ANKS1B: variants seen among roughly 807,000 people sequenced by gnomAD.
ANKS1B encodes the protein ankyrin repeat and sterile alpha motif domain containing 1B, also known as ankyrin repeat and sterile alpha motif domain-containing protein 1B.
Under a neutral mutation model 148.3 loss-of-function variants are expected in ANKS1B, and 36 were observed. The observed-to-expected ratio is 0.24, with a 90% CI of 0.19 to 0.32. ANKS1B has a LOEUF of 0.32. Among genes scored for constraint, ANKS1B ranks in the 10% least tolerant of loss-of-function variants. The pLI, the probability that ANKS1B is intolerant of heterozygous loss-of-function variation, is 1.00. For missense variants in ANKS1B, 1,157 were observed against 1,542.6 expected, an observed-to-expected ratio of 0.75 and a Z score of 4.19; for synonymous variants, 542 against 560.8, an observed-to-expected ratio of 0.97 and a Z score of 0.47.
In ANKS1B at chr12:99,583,023, T is replaced by C. The variant is rs146648264; in HGVS notation, c.1272+72044A>G. ...GTAGGAACACCTCTAAATCTAGATA[T>C]GAGAAATGCTTATTGTACCACTATC... On this transcript the variant is annotated intron_variant, in intron 9 of 26. Transcript: ENST00000683438. Among the ~76,000 whole-genome samples, 927 of 152,252 alleles carry C rather than the reference T, an allele frequency of 6.1e-3. 7 individuals carry two copies. The highest frequency in any genetic ancestry group is 0.012 in the Admixed American group (180 of 15,294).
intron 14 of ANKS1B, among the ~76,000 whole-genome samples, chr12:99,227,573 G>A (rs2086148524): frequency 6.6e-6 from 1 of 152,198 alleles, no homozygotes; most frequent in African/African-American, 2.4e-5. Context: ...ATCAAGCCAA[G>A]TCAGTGGGCA....
intron 14 of ANKS1B, among the ~76,000 whole-genome samples, chr12:99,237,793 C>T (rs1309966664): frequency 6.6e-6 from 1 of 152,118 alleles, no homozygotes; most frequent in East Asian, 1.9e-4. Flanking sequence ...TATATATATA[C>T]ATATTTGAAG....
chr12:98,994,067 T>TTG (rs199869417), intron 17 of ANKS1B, among the ~76,000 whole-genome samples: 46 of 152,124 alleles, frequency 3.0e-4, no homozygotes, highest in Non-Finnish European at 1.5e-4. Context: ...TAAAGTACTT[T>TTG]TGTGTGTGTG....
intron 1 of ANKS1B, among the ~76,000 whole-genome samples, chr12:99,977,669 A>G (rs2095645899): frequency 6.6e-6 from 1 of 152,164 alleles, no homozygotes; most frequent in East Asian, 1.9e-4. Context: ...GACTCTTAAG[A>G]AAAGTTTCTA....
chr12:98,996,569 C>A (rs1035836815), intron 17 of ANKS1B, among the ~76,000 whole-genome samples: 1 of 151,976 alleles, frequency 6.6e-6, no homozygotes, highest in African/African-American at 2.4e-5. Context: ...AATCCCAGCA[C>A]TTTGGGAGGT....
chr12:98,751,475 G>T lies in ANKS1B; in HGVS notation c.3627C>A (p.Val1209=), dbSNP rs368912180. The change falls in exon 26 of 27, where the codon GTC becomes GTA. Residue 1209 remains valine, a synonymous_variant. Coordinates refer to ENST00000683438, the MANE Select transcript of ANKS1B (RefSeq NM_001352186.2). The surrounding 1 kb of genome is among the most constrained non-coding windows in gnomAD (Gnocchi z 4.3). ...TTGCTTGTAGTGCTAGCTGGTAAGC[G>T]ACTTCGAATGCCTGTCCCAGGGTTA... ...IILTLGQAFE[V]AYQLALQARK... 1.0e-4 allele frequency: 165 copies of T among 1,613,968 alleles called. 1 individual carries two copies. The South Asian group carries it at 1.7e-3, about 17-fold the overall frequency.
chr12:99,213,239 A>T (rs1385578456), intron 14 of ANKS1B, among the ~76,000 whole-genome samples: 4 of 152,092 alleles, frequency 2.6e-5, no homozygotes, highest in Admixed American at 1.3e-4. Flanking sequence ...GCTTCTCTCT[A>T]CCCAGAGCAC....
intron 8 of ANKS1B, among the ~76,000 whole-genome samples, chr12:99,768,810 C>A (rs1379493782): frequency 7.5e-6 from 1 of 133,950 alleles, no homozygotes; most frequent in African/African-American, 2.8e-5. Flanking sequence ...TGCGACAGAG[C>A]ACGACTCCGT....
At chr12:99,449,748 C>G (rs1387462460) in intron 10 of ANKS1B, among the ~76,000 whole-genome samples, 2 of 152,084 alleles carry the variant, frequency 1.3e-5, no homozygotes, top group African/African-American at 4.8e-5. Context: ...ATCTAGAGTA[C>G]TTGCGTGATA....
chr12:99,892,073 G>T (rs1447557008), intron 1 of ANKS1B, among the ~76,000 whole-genome samples: 2 of 151,986 alleles, frequency 1.3e-5, no homozygotes, highest in Non-Finnish European at 2.9e-5. Flanking sequence ...GCATGATCTC[G>T]GCTCACTGCA....
chr12:99,102,288 T>C (rs757880087), intron 15 of ANKS1B, among the ~76,000 whole-genome samples: 2 of 152,084 alleles, frequency 1.3e-5, no homozygotes. Flanking sequence ...GATTAGAGGA[T>C]TGTGAGACAA....
chr12:99,196,606 G>GT (rs1195275898), intron 14 of ANKS1B, among the ~76,000 whole-genome samples: 4 of 150,416 alleles, frequency 2.7e-5, no homozygotes, highest in Non-Finnish European at 4.4e-5. Flanking sequence ...GTTTGTTTTT[G>GT]TTTTTTTTCT....
chr12:98,962,036 A>G (rs1393133891), intron 17 of ANKS1B, among the ~76,000 whole-genome samples: 1 of 152,082 alleles, frequency 6.6e-6, no homozygotes, highest in African/African-American at 2.4e-5. Flanking sequence ...CAAAACAACC[A>G]GGAAACAAAT....
intron 17 of ANKS1B, among the ~76,000 whole-genome samples, chr12:99,052,855 C>T (rs2099967162): frequency 6.6e-6 from 1 of 150,738 alleles, no homozygotes; most frequent in Non-Finnish European, 1.5e-5. Context: ...GAATAGGAAC[C>T]TATTTATTAT....
chr12:99,964,902 G>C (rs1734302534), intron 1 of ANKS1B, among the ~76,000 whole-genome samples: 1 of 152,170 alleles, frequency 6.6e-6, no homozygotes, highest in Non-Finnish European at 1.5e-5. Context: ...GACGATAGTG[G>C]AGAGGAGATT....
chr12:99,080,431 A>C (rs1599583956), intron 16 of ANKS1B, among the ~76,000 whole-genome samples: 1 of 152,206 alleles, frequency 6.6e-6, no homozygotes, highest in South Asian at 2.1e-4. Context: ...ATAGACAACT[A>C]CTAAGTAATT....
chr12:98,947,554 T>C (rs2099847325), intron 17 of ANKS1B, among the ~76,000 whole-genome samples: 1 of 151,876 alleles, frequency 6.6e-6, no homozygotes, highest in African/African-American at 2.4e-5. Context: ...TCATGAATGT[T>C]ACATACCATG....
At chr12:99,323,050 A>G (rs755987096) in intron 12 of ANKS1B, among the ~76,000 whole-genome samples, 6 of 152,138 alleles carry the variant, frequency 3.9e-5, no homozygotes, top group Non-Finnish European at 7.3e-5. Flanking sequence ...GTATGTCTTT[A>G]TCAGTAGTGT....
In ANKS1B at chr12:98,798,973, C is replaced by A. The variant is rs1405143215; in HGVS notation, c.3303G>T (p.Arg1101Ser). 1 of 1,608,612 alleles carries A rather than the reference C, an allele frequency of 6.2e-7. No individual in the cohort carries two copies. The change falls in exon 22 of 27, where the codon AGG (arginine) becomes AGT (serine). Residue 1101 changes from arginine (R) to serine (S), a missense_variant. Physicochemically the swap from Arg to Ser is moderately radical, Grantham distance 110 (BLOSUM62 -1). Transcript: ENST00000683438. Reference protein sequence around the residue: ...YLGSMLIKELRGTESTQDACA... With the variant: ...YLGSMLIKELSGTESTQDACA... ...AAGCATCTTGGGTTGATTCTGTCCC[C>A]CTAAGCTCTTTTATCAGCATAGAAC...
Sources: allele counts gnomAD v4.1 joint callset (sites outside exome capture counted in the v4.1 genomes callset), GRCh38; gene constraint gnomAD v4.1.1; non-coding constraint Gnocchi (gnomAD v3.1); transcripts MANE v1.5; gene names NCBI Gene and HGNC (gene_info 2026-07-23, HGNC 2026-07-21).